Variants in COL5A2 observed in about 807,000 individuals in gnomAD.
COL5A2 encodes collagen type V alpha 2 chain.
In COL5A2, 23 loss-of-function variants were observed where a neutral mutation model predicts 208.2. The observed-to-expected ratio is 0.11, with a 90% CI of 0.08 to 0.16. The LOEUF is 0.16. Among genes scored for constraint, COL5A2 ranks in the 10% least tolerant of loss-of-function variants. COL5A2 has a pLI of 1.00. For synonymous variants in COL5A2, 625 were observed against 628.5 expected (o/e 0.99, Z 0.08); for missense variants, 1,590 against 1,956.4 (o/e 0.81, Z 3.53).
the COL5A2 span, among the ~76,000 whole-genome samples, chr2:189,361,974 C>T: frequency 6.6e-6 from 1 of 152,062 alleles, no homozygotes; most frequent in African/African-American, 2.4e-5. Flanking sequence ...TATCTCTTAG[C>T]CAATTGTTAC....
the COL5A2 span, among the ~76,000 whole-genome samples, chr2:189,310,252 G>A: frequency 2.0e-5 from 3 of 152,066 alleles, no homozygotes; most frequent in African/African-American, 7.2e-5. Flanking sequence ...AAAAAAACCG[G>A]CAAAAGATTT....
At chr2:189,270,065 G>A in the COL5A2 span, among the ~76,000 whole-genome samples, 22 of 152,170 alleles carry the variant, frequency 1.4e-4, no homozygotes, top group East Asian at 4.2e-3. Context: ...GTATTTCTGT[G>A]GGATCAGTGG....
chr2:189,232,658 A>T, the COL5A2 span, among the ~76,000 whole-genome samples: 1 of 151,708 alleles, frequency 6.6e-6, no homozygotes, highest in Admixed American at 6.6e-5. Context: ...TTTGAATGCA[A>T]TTATATTTGG....
At chr2:189,194,232 G>C (rs1299338739) in intron 1 of COL5A2, among the ~76,000 whole-genome samples, 2 of 152,076 alleles carry the variant, frequency 1.3e-5, no homozygotes, top group East Asian at 1.9e-4. Flanking sequence ...GTCCAAGCGA[G>C]TCCATTTCTC....
chr2:189,186,370 G>A (rs189714765), intron 1 of COL5A2, among the ~76,000 whole-genome samples: 13 of 152,166 alleles, frequency 8.5e-5, no homozygotes, highest in Non-Finnish European at 1.3e-4. Context: ...AAGCCACTAT[G>A]AAAATAATAA....
the COL5A2 span, among the ~76,000 whole-genome samples, chr2:189,332,072 T>C: frequency 6.6e-6 from 1 of 150,424 alleles, no homozygotes; most frequent in Admixed American, 6.6e-5. Context: ...AATGACAAAA[T>C]GTAGATTTAT....
At chr2:189,242,934 G>A in the COL5A2 span, among the ~76,000 whole-genome samples, 1 of 152,096 alleles carries the variant, frequency 6.6e-6, no homozygotes, top group East Asian at 1.9e-4. Context: ...TGGAGTCAGG[G>A]TACCAAATGG....
chr2:189,392,065 A>T, the COL5A2 span, among the ~76,000 whole-genome samples: 1 of 152,128 alleles, frequency 6.6e-6, no homozygotes, highest in South Asian at 2.1e-4. Context: ...CACTATTTTT[A>T]AAAATAAAAC....
the COL5A2 span, among the ~76,000 whole-genome samples, chr2:189,420,000 AGAG>A: frequency 1.5e-4 from 20 of 135,450 alleles, no homozygotes; most frequent in Admixed American, 6.2e-4. Flanking sequence ...AGGAGAGGAG[AGAG>A]GAGGAGGAGG....
the COL5A2 span, among the ~76,000 whole-genome samples, chr2:189,333,921 G>C: frequency 6.7e-6 from 1 of 149,790 alleles, no homozygotes; most frequent in African/African-American, 2.5e-5. Context: ...GGTAATGAAA[G>C]GAAGACTGCA....
intron 1 of COL5A2, among the ~76,000 whole-genome samples, chr2:189,194,071 G>A (rs1458788573): frequency 6.6e-6 from 1 of 152,022 alleles, no homozygotes; most frequent in Non-Finnish European, 1.5e-5. Flanking sequence ...TAAATGTTTA[G>A]AAGTCTTTCA....
the COL5A2 span, among the ~76,000 whole-genome samples, chr2:189,320,466 C>G: frequency 1.3e-5 from 2 of 152,136 alleles, no homozygotes; most frequent in African/African-American, 4.8e-5. Context: ...CAGAGAAGTC[C>G]TTAAAGGACC....
the COL5A2 span, among the ~76,000 whole-genome samples, chr2:189,255,141 T>G: frequency 6.6e-6 from 1 of 152,196 alleles, no homozygotes; most frequent in Admixed American, 6.5e-5. Context: ...ATCCAAAGAC[T>G]TTTGGTTGAT....
chr2:189,355,145 CTGTT>C, the COL5A2 span, among the ~76,000 whole-genome samples: 1 of 152,102 alleles, frequency 6.6e-6, no homozygotes, highest in African/African-American at 2.4e-5. Flanking sequence ...GTCTGAGAGA[CTGTT>C]TGTTATGATT....
intron 1 of COL5A2, among the ~76,000 whole-genome samples, chr2:189,138,172 C>T (rs1026926059): frequency 3.9e-5 from 6 of 152,082 alleles, no homozygotes; most frequent in African/African-American, 1.2e-4. Flanking sequence ...GACAGGGTTG[C>T]ACCATGTTGG....
the COL5A2 span, among the ~76,000 whole-genome samples, chr2:189,312,396 A>G: frequency 6.6e-6 from 1 of 152,004 alleles, no homozygotes; most frequent in African/African-American, 2.4e-5. Flanking sequence ...GGAGCGGGAC[A>G]TGGAGATCCA....
chr2:189,245,998 T>G, the COL5A2 span, among the ~76,000 whole-genome samples: 1 of 152,214 alleles, frequency 6.6e-6, no homozygotes, highest in East Asian at 1.9e-4. Flanking sequence ...TAGACTTCCA[T>G]AAGCACAGGT....
chr2:189,037,275 T>G (rs1196476647), intron 51 of COL5A2, among the ~76,000 whole-genome samples: 1 of 152,210 alleles, frequency 6.6e-6, no homozygotes, highest in Non-Finnish European at 1.5e-5. Flanking sequence ...CATTAGATCT[T>G]TTTAAAATTA....
chr2:189,170,568 G>A (rs891357668), intron 1 of COL5A2, among the ~76,000 whole-genome samples: 1 of 152,144 alleles, frequency 6.6e-6, no homozygotes, highest in African/African-American at 2.4e-5. Flanking sequence ...TACCTAAATC[G>A]CAAAAGTTAG....
Sources: gnomAD v4.1 joint callset for allele counts (sites outside exome capture counted in the v4.1 genomes callset) on GRCh38, gnomAD v4.1.1 for gene constraint, MANE v1.5 for transcripts, NCBI Gene and HGNC (gene_info 2026-07-23, HGNC 2026-07-21) for gene names.